Variants in CSMD1 observed in about 807,000 individuals in gnomAD.
CSMD1 encodes the protein CUB and Sushi multiple domains 1.
In CSMD1, 213 loss-of-function variants were observed where a neutral mutation model predicts 417.5. That is an observed-to-expected ratio of 0.51 (90% CI 0.46 to 0.57). The LOEUF (loss-of-function observed/expected upper bound fraction) is 0.57. Among genes scored for constraint, CSMD1 ranks in the 20% least tolerant of loss-of-function variants. The probability of loss-of-function intolerance (pLI) is 0.00; values close to 1 mark genes in which losing one functional copy is unlikely to be tolerated. For synonymous variants in CSMD1, 2,862 were observed against 1,736.8 expected (o/e 1.65, Z -16.11); for missense variants, 6,923 against 4,529.7 (o/e 1.53, Z -15.17).
intron 2 of CSMD1, among the ~76,000 whole-genome samples, chr8:4,580,985 A>T: frequency 6.6e-6 from 1 of 152,228 alleles, no homozygotes; most frequent in Non-Finnish European, 1.5e-5. Flanking sequence ...CTCAGTCCTT[A>T]TTCCAGTGCC....
At chr8:4,326,725 G>A (rs1193404578) in intron 3 of CSMD1, among the ~76,000 whole-genome samples, 1 of 152,112 alleles carries the variant, frequency 6.6e-6, no homozygotes, top group Admixed American at 6.5e-5. Flanking sequence ...ACACCAAATG[G>A]GGACTTGATG....
intron 3 of CSMD1, among the ~76,000 whole-genome samples, chr8:4,210,294 C>G (rs1382728551): frequency 2.6e-5 from 4 of 152,202 alleles, no homozygotes; most frequent in African/African-American, 4.8e-5. Context: ...TTTTCATCCT[C>G]TACTGTTAGA....
At chr8:3,631,000 C>G (rs1584988511) in intron 7 of CSMD1, among the ~76,000 whole-genome samples, 1 of 152,186 alleles carries the variant, frequency 6.6e-6, no homozygotes, top group African/African-American at 2.4e-5. Context: ...GAATGGGACT[C>G]AGCACCATGT....
chr8:4,232,434 G>C (rs948529843), intron 3 of CSMD1, among the ~76,000 whole-genome samples: 2 of 152,112 alleles, frequency 1.3e-5, no homozygotes, highest in South Asian at 2.1e-4. Flanking sequence ...CCTGACCTCA[G>C]GTGATCTGCC....
chr8:4,946,458 C>G (rs552991736), intron 1 of CSMD1, among the ~76,000 whole-genome samples: 1 of 152,182 alleles, frequency 6.6e-6, no homozygotes, highest in Admixed American at 6.5e-5. Flanking sequence ...GGCTGGTCTG[C>G]CCAGTGACCC....
At chr8:3,781,844 T>C (rs1035784341) in intron 5 of CSMD1, among the ~76,000 whole-genome samples, 2 of 152,234 alleles carry the variant, frequency 1.3e-5, no homozygotes, top group Non-Finnish European at 2.9e-5. Flanking sequence ...ACTTCCTAGA[T>C]TCATTTGTTC....
chr8:3,908,100 T>G (rs1808229424), intron 5 of CSMD1, among the ~76,000 whole-genome samples: 1 of 152,186 alleles, frequency 6.6e-6, no homozygotes, highest in African/African-American at 2.4e-5. Context: ...TAATGTCTGT[T>G]GAGGCTTTAT....
intron 1 of CSMD1, among the ~76,000 whole-genome samples, chr8:4,729,804 A>C (rs1480640478): frequency 6.6e-6 from 1 of 152,218 alleles, no homozygotes; most frequent in African/African-American, 2.4e-5. Context: ...TAATGAAATA[A>C]AAGTTTTCCA....
intron 3 of CSMD1, among the ~76,000 whole-genome samples, chr8:4,285,426 A>T (rs755025149): frequency 2.0e-5 from 3 of 152,242 alleles, no homozygotes; most frequent in African/African-American, 7.2e-5. Flanking sequence ...TTCTCATAAG[A>T]AACACCTAGA....
chr8:4,776,499 A>G (rs1032842135), intron 1 of CSMD1, among the ~76,000 whole-genome samples: 10 of 152,136 alleles, frequency 6.6e-5, no homozygotes, highest in African/African-American at 1.7e-4. Context: ...TTAGGAACCA[A>G]CAGCGTCTCA....
intron 2 of CSMD1, among the ~76,000 whole-genome samples, chr8:4,476,002 C>T (rs952789318): frequency 6.6e-6 from 1 of 151,962 alleles, no homozygotes; most frequent in African/African-American, 2.4e-5. Flanking sequence ...CTTTCATTTT[C>T]CGTAATTAAT....
intron 51 of CSMD1, among the ~76,000 whole-genome samples, chr8:3,025,072 G>C (rs1391777153): frequency 7.3e-5 from 11 of 151,254 alleles, no homozygotes; most frequent in African/African-American, 2.7e-4. Flanking sequence ...TTCTAAAACT[G>C]TGTATTGTGT....
intron 1 of CSMD1, among the ~76,000 whole-genome samples, chr8:4,987,670 G>C (rs1013442790): frequency 6.6e-6 from 1 of 152,144 alleles, no homozygotes; most frequent in Non-Finnish European, 1.5e-5. Flanking sequence ...TACGGTTCCT[G>C]GGTGTGTCTA....
chr8:4,496,985 A>T (rs1802009868), intron 2 of CSMD1, among the ~76,000 whole-genome samples: 1 of 152,170 alleles, frequency 6.6e-6, no homozygotes, highest in African/African-American at 2.4e-5. Flanking sequence ...CGAAAGGGAG[A>T]CAATAAGGCT....
intron 12 of CSMD1, among the ~76,000 whole-genome samples, chr8:3,419,581 G>T (rs1813361062): frequency 6.6e-6 from 1 of 152,030 alleles, no homozygotes; most frequent in African/African-American, 2.4e-5. Flanking sequence ...CTGAAACCTG[G>T]AAAATCCCAC....
Position 3,578,513 on chromosome 8 carries a change from G to A in CSMD1, c.1223-3447C>T, listed in dbSNP as rs144568630. Among the ~76,000 whole-genome samples, 98 of 152,284 alleles carry A rather than the reference G, an allele frequency of 6.4e-4. 3 individuals carry two copies. In the East Asian group the frequency reaches 6.9e-3, roughly 11 times the overall value. On this transcript the variant is annotated intron_variant, in intron 9 of 69. Transcript: ENST00000635120. ...ATTATCTTATCTAAAAACCATATCCGTGTTGCTTTGTCGCCTATTGGGGGG... is the reference window on the plus strand; with the variant it reads ...ATTATCTTATCTAAAAACCATATCCATGTTGCTTTGTCGCCTATTGGGGGG...
chr8:3,796,402 TATAG>T lies in CSMD1; in HGVS notation c.819-42364_819-42361del, dbSNP rs1158322287. On this transcript the variant is annotated intron_variant, in intron 5 of 69. Transcript: ENST00000635120. ...TATATATATATCTATCATGTATAGA[TATAG>T]ATATATATCTATCATGTATAGATAT... Among the ~76,000 whole-genome samples, 4 of 83,814 alleles carry T rather than the reference TATAG, an allele frequency of 4.8e-5. 1 individual carries two copies. The highest frequency in any genetic ancestry group is 5.3e-5 in the Non-Finnish European group (2 of 37,390). The allele number at this position is 83,814 out of a possible 152,430, so 55.0% of individuals were successfully genotyped here. A position where few individuals can be genotyped will look rare whatever the true frequency, so the allele number is the denominator to read the frequency against.
intron 3 of CSMD1, among the ~76,000 whole-genome samples, chr8:4,043,184 T>C (rs1483210373): frequency 4.6e-5 from 7 of 152,094 alleles, no homozygotes. Flanking sequence ...CACAGTAGAT[T>C]ATGGTAGACT....
At chr8:3,246,657 A>C (rs1376692520) in intron 26 of CSMD1, among the ~76,000 whole-genome samples, 1 of 152,160 alleles carries the variant, frequency 6.6e-6, no homozygotes, top group Admixed American at 6.5e-5. Context: ...TTTTTGAAAG[A>C]GACGGGGTTT....
Sources: allele counts gnomAD v4.1 joint callset (sites outside exome capture counted in the v4.1 genomes callset), GRCh38; gene constraint gnomAD v4.1.1; transcripts MANE v1.5; gene names NCBI Gene and HGNC (gene_info 2026-07-23, HGNC 2026-07-21).